The following EPB41L2 variants were observed in gnomAD, a reference collection of about 807,000 sequenced individuals.
EPB41L2 encodes band 4.1-like protein 2.
A neutral mutation model predicts 113.0 loss-of-function variants in EPB41L2; 43 were observed. The observed-to-expected ratio is 0.38, with a 90% CI of 0.30 to 0.49. The LOEUF (loss-of-function observed/expected upper bound fraction) is 0.49, where lower values mean the gene tolerates loss of function less well. EPB41L2 is among the 20% of genes least tolerant of loss of function. The pLI, the probability that EPB41L2 is intolerant of heterozygous loss-of-function variation, is 0.95. For synonymous variants in EPB41L2, 442 were observed against 436.7 expected, an observed-to-expected ratio of 1.01 and a Z score of -0.15; for missense variants, 1,147 against 1,223.4, an observed-to-expected ratio of 0.94 and a Z score of 0.93.
Position 130,964,973 on chromosome 6 carries a change from C to T in EPB41L2, c.-14-8474G>A, listed in dbSNP as rs79626175. On this transcript the variant is annotated intron_variant, in intron 1 of 19. Coordinates refer to ENST00000337057, the MANE Select transcript of EPB41L2 (RefSeq NM_001431.4). The stretch of plus-strand genomic sequence containing the variant: ...CGACTTCACTACTATATAACTTGCA[C>T]CTAGCATGATGCCCGACAGTTAATG... Among the ~76,000 whole-genome samples the T allele has an allele frequency of 0.02, 3,039 of 152,274 alleles. 197 individuals carry two copies. In the East Asian group the frequency reaches 0.26, roughly 13 times the overall value.
chr6:130,989,046 G>A (rs141976012), intron 1 of EPB41L2, among the ~76,000 whole-genome samples: 2 of 152,182 alleles, frequency 1.3e-5, no homozygotes, highest in African/African-American at 4.8e-5. Context: ...CCAAGATCAC[G>A]CCACTGCACT....
At chr6:131,054,483 G>A (rs1378059938) in intron 1 of EPB41L2, among the ~76,000 whole-genome samples, 1 of 152,160 alleles carries the variant, frequency 6.6e-6, no homozygotes, top group Non-Finnish European at 1.5e-5. Context: ...GTTGGTGCAA[G>A]TCCCTATCTT....
chr6:131,036,900 C>T (rs78706685), intron 1 of EPB41L2, among the ~76,000 whole-genome samples: 2,425 of 152,282 alleles, frequency 0.016, 63 homozygotes, highest in African/African-American at 0.055. Context: ...CAGACTGAAA[C>T]AAGGCCATCT....
At chr6:130,915,554 T>C (rs980337536) in intron 4 of EPB41L2, among the ~76,000 whole-genome samples, 1 of 152,236 alleles carries the variant, frequency 6.6e-6, no homozygotes, top group African/African-American at 2.4e-5. Context: ...ATACCATTTA[T>C]GCTAGCCAAT....
intron 8 of EPB41L2, among the ~76,000 whole-genome samples, chr6:130,896,311 C>T (rs1794644672): frequency 6.6e-6 from 1 of 152,226 alleles, no homozygotes; most frequent in Admixed American, 6.5e-5. Context: ...AATTGCTTTA[C>T]TCACCCTTAT....
intron 1 of EPB41L2, among the ~76,000 whole-genome samples, chr6:130,979,361 G>A (rs1407036595): frequency 6.6e-6 from 1 of 150,840 alleles, no homozygotes; most frequent in Non-Finnish European, 1.5e-5. Context: ...CAAAAAAAGT[G>A]GCACACGCCT....
At chr6:130,848,768 T>C (rs1047345371) in intron 19 of EPB41L2, among the ~76,000 whole-genome samples, 4 of 152,192 alleles carry the variant, frequency 2.6e-5, no homozygotes, top group South Asian at 2.1e-4. Context: ...TTAGTTGCCA[T>C]AGTAAAATTC....
At position 130,869,944 on chromosome 6, in the gene EPB41L2, G is replaced by A. The variant is rs377250557; in HGVS notation, c.2226C>T (p.Ser742=). ...KDSTSLSSES[S]SSSSESEEED... is the part of the protein sequence containing the mutation. ...CCTCCTCACTCTCACTGCTGCTGCT[G>A]CTGCTCTCAGAAGACAGGGAGGTGG... is the stretch of plus-strand genomic sequence containing the variant. The change falls in exon 15 of 20, where the codon AGC becomes AGT. Residue 742 remains serine (S), a synonymous_variant. Transcript: ENST00000337057. The A allele has an allele frequency of 8.2e-5, 132 of 1,613,308 alleles. No individual in the cohort carries two copies. Among genetic ancestry groups the A allele is most frequent in the Non-Finnish European group, 1.1e-4 (130 of 1,180,028 alleles).
At chr6:130,841,260 C>T (rs929042663) in intron 19 of EPB41L2, among the ~76,000 whole-genome samples, 4 of 149,374 alleles carry the variant, frequency 2.7e-5, no homozygotes, top group Non-Finnish European at 4.5e-5. Context: ...AACATTTGGA[C>T]GAAAAGACCA....
At chr6:130,915,892 T>C (rs1050998989) in intron 4 of EPB41L2, among the ~76,000 whole-genome samples, 5 of 152,154 alleles carry the variant, frequency 3.3e-5, no homozygotes, top group Admixed American at 1.3e-4. Context: ...TTGTGAGGCC[T>C]CCCCAGCCAT....
intron 1 of EPB41L2, among the ~76,000 whole-genome samples, chr6:130,961,921 T>G (rs1429730671): frequency 6.6e-6 from 1 of 152,158 alleles, no homozygotes; most frequent in Admixed American, 6.5e-5. Flanking sequence ...ACAACAAAAC[T>G]TTGCAACAAA....
chr6:130,985,426 T>C (rs948802779), intron 1 of EPB41L2, among the ~76,000 whole-genome samples: 8 of 152,106 alleles, frequency 5.3e-5, no homozygotes, highest in Non-Finnish European at 8.8e-5. Flanking sequence ...TCATTCTTCT[T>C]GGGTGCGCGA....
intron 3 of EPB41L2, 49 bp from the exon 4 acceptor site, chr6:130,926,758 A>C: frequency 8.6e-7 from 1 of 1,162,502 alleles, no homozygotes; most frequent in Non-Finnish European, 1.2e-6. Flanking sequence ...AGATTCCAAG[A>C]CTGCTATAAA....
At chr6:131,045,370 A>ATATGAATATTTAAT (rs1562792621) in intron 1 of EPB41L2, among the ~76,000 whole-genome samples, 2 of 151,942 alleles carry the variant, frequency 1.3e-5, no homozygotes, top group Admixed American at 6.5e-5. Context: ...TATTCATTTA[A>ATATGAATATTTAAT]AAATGATGAG....
intron 10 of EPB41L2, among the ~76,000 whole-genome samples, chr6:130,891,428 T>TTACTTAC (rs1792808507): frequency 2.8e-4 from 42 of 149,466 alleles, no homozygotes; most frequent in East Asian, 2.5e-3. Flanking sequence ...TATTTATTTA[T>TTACTTAC]TTACTTACTT....
At chr6:130,889,226 G>A (rs1341968262) in intron 11 of EPB41L2, among the ~76,000 whole-genome samples, 2 of 151,502 alleles carry the variant, frequency 1.3e-5, no homozygotes, top group Admixed American at 6.6e-5. Flanking sequence ...ATTTCTTTGG[G>A]TAGAAAATCA....
Position 130,859,965 on chromosome 6 carries a change from G to A in EPB41L2, c.2911-1722C>T, listed in dbSNP as rs550593065. 1.3e-4 allele frequency among the ~76,000 whole-genome samples: 20 copies of A among 152,282 alleles called. No individual in the cohort carries two copies. In the East Asian group the frequency reaches 1.7e-3, roughly 13 times the overall value. ...GAGAGTGAATGGCTGGAGGGCTAGC[G>A]TGGAGCAGGAGTGGGAGCAGGTATC... On this transcript the variant is annotated intron_variant, in intron 18 of 19. Transcript: ENST00000337057.
chr6:130,920,144 G>C (rs1802411808), intron 4 of EPB41L2, among the ~76,000 whole-genome samples: 1 of 152,102 alleles, frequency 6.6e-6, no homozygotes, highest in African/African-American at 2.4e-5. Context: ...TAAAGTCAAA[G>C]TTATTTCCAT....
Position 131,059,403 on chromosome 6 carries a change from C to G in EPB41L2, c.-15+3752G>C, listed in dbSNP as rs55827911. ...AGGTGGGATTACAGGCGTGAGCCAT[C>G]GCGCCCAGCTATAATTCCTAAACAA... On this transcript the variant is annotated intron_variant, in intron 1 of 19. Transcript: ENST00000337057. 4.7e-3 allele frequency among the ~76,000 whole-genome samples: 709 copies of G among 152,330 alleles called. 8 individuals are homozygous for G. Among genetic ancestry groups the G allele is most frequent in the African/African-American group, 0.016 (675 of 41,582 alleles).
Sources: allele counts gnomAD v4.1 joint callset (sites outside exome capture counted in the v4.1 genomes callset), GRCh38; gene constraint gnomAD v4.1.1; transcripts MANE v1.5; gene names NCBI Gene and HGNC (gene_info 2026-07-23, HGNC 2026-07-21).